Variants in MAN1A2 observed in about 807,000 individuals in gnomAD.
MAN1A2 encodes the protein mannosyl-oligosaccharide 1,2-alpha-mannosidase IB.
A neutral mutation model predicts 75.7 loss-of-function variants in MAN1A2; 26 were observed. The ratio of observed to expected loss-of-function variants is 0.34; its 90% CI spans 0.25 to 0.48. The LOEUF (loss-of-function observed/expected upper bound fraction) is 0.48, where lower values mean the gene tolerates loss of function less well. MAN1A2 is among the 20% of genes least tolerant of loss of function. The pLI, the probability that MAN1A2 is intolerant of heterozygous loss-of-function variation, is 0.99. For synonymous variants in MAN1A2, 247 were observed against 264.6 expected (o/e 0.93, Z 0.65); for missense variants, 562 against 775.5 (o/e 0.72, Z 3.27).
At chr1:117,381,776 G>A (rs1653349412) in intron 1 of MAN1A2, among the ~76,000 whole-genome samples, 1 of 151,990 alleles carries the variant, frequency 6.6e-6, no homozygotes, top group African/African-American at 2.4e-5. Flanking sequence ...TTTCCACAAT[G>A]GTTGAACTAG....
At chr1:117,387,908 T>C (rs576213617) in intron 1 of MAN1A2, among the ~76,000 whole-genome samples, 1 of 152,058 alleles carries the variant, frequency 6.6e-6, no homozygotes, top group South Asian at 2.1e-4. Flanking sequence ...CCTTTCCTTA[T>C]AGGGCCCCAC....
chr1:117,499,574 A>G lies in MAN1A2; in HGVS notation c.1677+20A>G, dbSNP rs781662043. 16 of 1,576,942 alleles carry G rather than the reference A, an allele frequency of 1.0e-5. No individual in the cohort carries two copies. Among genetic ancestry groups the G allele is most frequent in the Admixed American group, 1.8e-5 (1 of 55,454 alleles). ...GCACTGGTAAATAAGCCAATATTCCATTTTATCTGCAAGAGTGTTAACTCA... is the reference window on the plus strand; with the variant it reads ...GCACTGGTAAATAAGCCAATATTCCGTTTTATCTGCAAGAGTGTTAACTCA... On this transcript the variant is annotated intron_variant, in intron 11 of 12. Transcript: ENST00000356554.
At chr1:117,468,306 C>T (rs1000860542) in intron 8 of MAN1A2, among the ~76,000 whole-genome samples, 1 of 152,142 alleles carries the variant, frequency 6.6e-6, no homozygotes, top group African/African-American at 2.4e-5. Flanking sequence ...GTAACATCTT[C>T]CTGTACCCAC....
chr1:117,469,920 A>C (rs1437071906), intron 8 of MAN1A2, among the ~76,000 whole-genome samples: 3 of 152,130 alleles, frequency 2.0e-5, no homozygotes, highest in African/African-American at 4.8e-5. Context: ...GTTCCTTAAA[A>C]AGTTAAACAT....
intron 1 of MAN1A2, among the ~76,000 whole-genome samples, chr1:117,386,906 A>C (rs1287165206): frequency 1.3e-5 from 2 of 152,072 alleles, no homozygotes; most frequent in Non-Finnish European, 1.5e-5. Context: ...GTGAGACCCT[A>C]TCTCTAAAAA....
chr1:117,425,321 A>C (rs1479709310), intron 5 of MAN1A2, among the ~76,000 whole-genome samples: 3 of 152,216 alleles, frequency 2.0e-5, no homozygotes, highest in South Asian at 2.1e-4. Flanking sequence ...CTCCAGAAAA[A>C]AAAGAAGAGT....
At chr1:117,385,811 T>A (rs886374810) in intron 1 of MAN1A2, among the ~76,000 whole-genome samples, 1 of 149,566 alleles carries the variant, frequency 6.7e-6, no homozygotes, top group African/African-American at 2.4e-5. Flanking sequence ...TGCTTCAGAA[T>A]TGACATAAAA....
chr1:117,497,833 A>C (rs966667480), intron 10 of MAN1A2, among the ~76,000 whole-genome samples: 2 of 151,860 alleles, frequency 1.3e-5, no homozygotes, highest in Admixed American at 1.3e-4. Flanking sequence ...ATAGATAATG[A>C]GCTCCCTGAA....
chr1:117,429,943 G>A (rs1236669625), intron 5 of MAN1A2, among the ~76,000 whole-genome samples: 1 of 65,028 alleles, frequency 1.5e-5, no homozygotes, highest in Non-Finnish European at 3.1e-5. Context: ...GGGCAGAGGC[G>A]CCCCTCACCT....
chr1:117,380,376 T>C (rs1175782925), intron 1 of MAN1A2, among the ~76,000 whole-genome samples: 2 of 152,214 alleles, frequency 1.3e-5, no homozygotes, highest in East Asian at 3.8e-4. Flanking sequence ...AAGTCCGATT[T>C]ATCTGTTTTC....
intron 5 of MAN1A2, among the ~76,000 whole-genome samples, chr1:117,429,576 G>T (rs1648518708): frequency 9.0e-6 from 1 of 111,266 alleles, no homozygotes; most frequent in Non-Finnish European, 2.0e-5. Flanking sequence ...TGGCCGGGCG[G>T]GGGGCTGACC....
intron 9 of MAN1A2, chr1:117,494,154 C>G (rs1182587446): frequency 6.6e-6 from 1 of 152,058 alleles, no homozygotes; most frequent in East Asian, 1.9e-4. Flanking sequence ...AACAGTCTGG[C>G]TGCCGAGCCA....
rs182790916 is a variant in MAN1A2 at position 117,370,248 on chromosome 1, G to T, written c.302+1763G>T. ...AGTTTGGAATGAGAGATTGGTTATT[G>T]TTCTGATAGCAGGGGTGGTTTGTGA... On this transcript the variant is annotated intron_variant, in intron 1 of 12. Coordinates refer to ENST00000356554, the MANE Select transcript of MAN1A2 (RefSeq NM_006699.5). 6.9e-3 allele frequency among the ~76,000 whole-genome samples: 1,056 copies of T among 152,280 alleles called. 6 individuals are homozygous for T. Among genetic ancestry groups the T allele is most frequent in the Middle Eastern group, 0.02 (6 of 294 alleles).
chr1:117,451,061 G>A (rs997875947), intron 6 of MAN1A2, among the ~76,000 whole-genome samples: 2 of 152,156 alleles, frequency 1.3e-5, no homozygotes, highest in South Asian at 4.1e-4. Flanking sequence ...TGGAAAAGCT[G>A]TACTCAATGC....
intron 1 of MAN1A2, 92 bp from the exon 2 acceptor site, chr1:117,402,094 G>T: frequency 7.8e-7 from 1 of 1,274,892 alleles, no homozygotes; most frequent in Non-Finnish European, 1.1e-6. Flanking sequence ...CAAGTTCCTG[G>T]GTTTAATGGA....
At chr1:117,384,222 A>AT (rs1278667000) in intron 1 of MAN1A2, among the ~76,000 whole-genome samples, 1 of 151,674 alleles carries the variant, frequency 6.6e-6, no homozygotes, top group Non-Finnish European at 1.5e-5. Context: ...AAGATTATTG[A>AT]TTTTAGATCT....
In MAN1A2 at chr1:117,526,874, CTCTCTCTATATATATA is replaced by C. The variant is rs1165526095; in HGVS notation, c.*3919_*3934del. 7.6e-4 allele frequency: 56 copies of C among 73,964 alleles called. 1 individual carries two copies. The highest frequency in any genetic ancestry group is 8.3e-3 in the Middle Eastern group (1 of 120). The allele number at this position is 73,964 out of a possible 1,614,324, so 4.6% of individuals were successfully genotyped here. A position where few individuals can be genotyped will look rare whatever the true frequency, so the allele number is the denominator to read the frequency against. On this transcript the variant is annotated 3_prime_UTR_variant, in exon 13 of 13. Transcript: ENST00000356554. ...TCTCTCTCTCTCTCTCTCTCTCTCT[CTCTCTCTATATATATA>C]TATATATATATATATATATGAGAGA... is the stretch of plus-strand genomic sequence containing the variant.
At chr1:117,431,812 T>C (rs1648678198) in intron 5 of MAN1A2, among the ~76,000 whole-genome samples, 1 of 152,110 alleles carries the variant, frequency 6.6e-6, no homozygotes, top group Non-Finnish European at 1.5e-5. Context: ...TAGCCGAGTG[T>C]GGTAGCATGT....
chr1:117,473,775 G>A (rs756714684), intron 8 of MAN1A2, among the ~76,000 whole-genome samples: 10 of 151,880 alleles, frequency 6.6e-5, no homozygotes, highest in Admixed American at 2.0e-4. Context: ...GTCACCTTAC[G>A]TGATAGGCGG....
Sources: gnomAD v4.1 joint callset for allele counts (sites outside exome capture counted in the v4.1 genomes callset) on GRCh38, gnomAD v4.1.1 for gene constraint, MANE v1.5 for transcripts, NCBI Gene and HGNC (gene_info 2026-07-23, HGNC 2026-07-21) for gene names.